CDH11: variants seen among roughly 807,000 people sequenced by gnomAD.
The protein encoded by CDH11 is cadherin-11.
Under a neutral mutation model 67.8 loss-of-function variants are expected in CDH11, and 11 were observed. That is an observed-to-expected ratio of 0.16 (90% CI 0.10 to 0.27). The LOEUF (loss-of-function observed/expected upper bound fraction) is 0.27. CDH11 is among the 10% of genes least tolerant of loss of function. The pLI, the probability that CDH11 is intolerant of heterozygous loss-of-function variation, is 1.00. For synonymous variants in CDH11, 419 were observed against 400.0 expected (o/e 1.05, Z -0.57); for missense variants, 847 against 1,031.2 (o/e 0.82, Z 2.45).
chr16:65,066,018 G>A (rs1030797037), intron 1 of CDH11, among the ~76,000 whole-genome samples: 7 of 152,306 alleles, frequency 4.6e-5, no homozygotes, highest in African/African-American at 1.4e-4. Context: ...GCAGTCTGAC[G>A]CCAGAGCGTC....
intron 3 of CDH11, among the ~76,000 whole-genome samples, chr16:65,000,733 C>G (rs1233686912): frequency 2.6e-5 from 4 of 152,062 alleles, no homozygotes; most frequent in African/African-American, 7.2e-5. Flanking sequence ...CGCTTGAAAC[C>G]AGGAGGTGGA....
chr16:64,986,597 G>GT (rs1273275002), intron 7 of CDH11: 1 of 151,878 alleles, frequency 6.6e-6, no homozygotes, highest in Admixed American at 6.6e-5. Flanking sequence ...AATTAACGAA[G>GT]TAAGTTGACA....
intron 8 of CDH11, among the ~76,000 whole-genome samples, chr16:64,976,568 T>G (rs890273005): frequency 2.0e-5 from 3 of 152,124 alleles, no homozygotes; most frequent in Admixed American, 6.5e-5. Context: ...GATAAAAAGT[T>G]TGGAGGCCTT....
At chr16:65,110,478 C>A (rs1597207793) in intron 1 of CDH11, among the ~76,000 whole-genome samples, 1 of 152,128 alleles carries the variant, frequency 6.6e-6, no homozygotes, top group Non-Finnish European at 1.5e-5. Context: ...CAGACTCTGC[C>A]ATACAACGAG....
intron 11 of CDH11, among the ~76,000 whole-genome samples, chr16:64,966,852 T>G (rs1231918867): frequency 6.6e-5 from 10 of 152,074 alleles, no homozygotes; most frequent in Non-Finnish European, 1.3e-4. Context: ...GTATGGTAGG[T>G]CAAAGGTGAA....
At position 65,074,931 on chromosome 16, in the gene CDH11, G is replaced by A. The variant is rs528888252; in HGVS notation, c.-297-21003C>T. 7.2e-5 allele frequency among the ~76,000 whole-genome samples: 11 copies of A among 152,164 alleles called. No homozygotes were observed. In the South Asian group the frequency reaches 2.3e-3, roughly 32 times the overall value. On this transcript the variant is annotated intron_variant, in intron 1 of 12. Coordinates refer to ENST00000268603, the MANE Select transcript of CDH11 (RefSeq NM_001797.4). ...ATTCTCTATTAAAGTGTATATACTT[G>A]GAAATTACCAAACACACAGGCACAC... is the stretch of plus-strand genomic sequence containing the variant.
intron 7 of CDH11, among the ~76,000 whole-genome samples, chr16:64,983,389 ACTTT>A (rs1255126874): frequency 4.6e-5 from 7 of 152,176 alleles, no homozygotes; most frequent in Non-Finnish European, 1.0e-4. Flanking sequence ...CTGGGAAACA[ACTTT>A]CTAATTAGTG....
chr16:64,974,986 C>T lies in CDH11; in HGVS notation c.1254-1946G>A, dbSNP rs138938216. On this transcript the variant is annotated intron_variant, in intron 8 of 12. Transcript: ENST00000268603. ...CATATTTATCTTCTAAAATGGAATGCGTATTTTTTTTCCCAAACAGAATCT... is the reference window on the plus strand; with the variant it reads ...CATATTTATCTTCTAAAATGGAATGTGTATTTTTTTTCCCAAACAGAATCT... 2.2e-3 allele frequency among the ~76,000 whole-genome samples: 342 copies of T among 152,186 alleles called. 3 individuals are homozygous for T. The highest frequency in any genetic ancestry group is 7.5e-3 in the African/African-American group (312 of 41,526).
intron 1 of CDH11, among the ~76,000 whole-genome samples, chr16:65,113,831 AC>A (rs1361855499): frequency 6.6e-6 from 1 of 151,862 alleles, no homozygotes; most frequent in South Asian, 2.1e-4. Context: ...CCCTCTGCCC[AC>A]CCCCCATAAG....
chr16:65,076,722 C>T (rs1334956755), intron 1 of CDH11, among the ~76,000 whole-genome samples: 2 of 150,228 alleles, frequency 1.3e-5, no homozygotes. Flanking sequence ...TGTTCCCCTC[C>T]CTGTGTCCAT....
chr16:65,003,990 T>C (rs1023480308), intron 3 of CDH11, among the ~76,000 whole-genome samples: 1 of 152,170 alleles, frequency 6.6e-6, no homozygotes, highest in African/African-American at 2.4e-5. Flanking sequence ...GATTAGGGTG[T>C]GGTCAGGGAA....
At chr16:65,071,795 A>G (rs2074421764) in intron 1 of CDH11, among the ~76,000 whole-genome samples, 2 of 152,202 alleles carry the variant, frequency 1.3e-5, no homozygotes, top group South Asian at 2.1e-4. Flanking sequence ...AATCAAAGGA[A>G]GATCGTGACC....
At chr16:64,994,799 A>T (rs898119402) in intron 4 of CDH11, among the ~76,000 whole-genome samples, 1 of 152,212 alleles carries the variant, frequency 6.6e-6, no homozygotes, top group Non-Finnish European at 1.5e-5. Flanking sequence ...ATGATTCTAT[A>T]CCTAGAAAAC....
In CDH11 at chr16:65,121,742, T is replaced by C. The variant is rs1200253254; in HGVS notation, c.-298+138A>G. On this transcript the variant is annotated intron_variant, in intron 1 of 12. Transcript: ENST00000268603. This position sits in a 1 kb window ranked among gnomAD's most constrained non-coding sequence, Gnocchi z 4.1. ...CTCCCTCCCTTTTGCTTTGCGTTAG[T>C]GAAGCCTTCTCGACTCAGATACCAC... 6 of 684,412 alleles carry C rather than the reference T, an allele frequency of 8.8e-6. No homozygotes were observed. The African/African-American group carries it at 8.9e-5, about 10-fold the overall frequency. The allele number at this position is 684,412 out of a possible 1,614,324, so 42.4% of individuals were successfully genotyped here.
chr16:65,069,649 G>A (rs1338376593), intron 1 of CDH11, among the ~76,000 whole-genome samples: 2 of 152,148 alleles, frequency 1.3e-5, no homozygotes, highest in East Asian at 1.9e-4. Context: ...CGGAAAAATA[G>A]TTTTACAATA....
At position 65,068,117 on chromosome 16, in the gene CDH11, AGGAG is replaced by A. The variant is rs1426123406; in HGVS notation, c.-297-14193_-297-14190del. On this transcript the variant is annotated intron_variant, in intron 1 of 12. Coordinates refer to ENST00000268603, the MANE Select transcript of CDH11 (RefSeq NM_001797.4). ...AAGAAAGGCGGGAAGGAGGGATGAA[AGGAG>A]GGAGGGAGGGGGCAGGGAGAGAGGG... is the stretch of plus-strand genomic sequence containing the variant. 7.3e-5 allele frequency among the ~76,000 whole-genome samples: 7 copies of A among 95,674 alleles called. No individual in the cohort carries two copies. The Admixed American group carries it at 8.0e-4, about 11-fold the overall frequency. The allele number at this position is 95,674 out of a possible 152,430, so 62.8% of individuals were successfully genotyped here. A position where few individuals can be genotyped will look rare whatever the true frequency, so the allele number is the denominator to read the frequency against.
At chr16:65,008,838 G>A (rs942307514) in intron 2 of CDH11, among the ~76,000 whole-genome samples, 3 of 152,166 alleles carry the variant, frequency 2.0e-5, no homozygotes, top group African/African-American at 7.2e-5. Flanking sequence ...TTGGAACTCA[G>A]TGTATACTAA....
At chr16:64,999,575 C>T (rs2072865111) in intron 3 of CDH11, among the ~76,000 whole-genome samples, 2 of 151,862 alleles carry the variant, frequency 1.3e-5, no homozygotes, top group Admixed American at 6.6e-5. Context: ...ACTCTGTTGC[C>T]CAGGCTGGAG....
chr16:65,040,922 G>C (rs2073855893), intron 2 of CDH11, among the ~76,000 whole-genome samples: 1 of 152,098 alleles, frequency 6.6e-6, no homozygotes, highest in Admixed American at 6.6e-5. Flanking sequence ...GTAAAGTTGT[G>C]CACATATCAC....
Sources: gnomAD v4.1 joint callset for allele counts (sites outside exome capture counted in the v4.1 genomes callset) on GRCh38, gnomAD v4.1.1 for gene constraint, Gnocchi (gnomAD v3.1) non-coding constraint, MANE v1.5 for transcripts, NCBI Gene and HGNC (gene_info 2026-07-23, HGNC 2026-07-21) for gene names.